QSOX1: variants seen among roughly 807,000 people sequenced by gnomAD.
QSOX1 encodes the protein quiescin sulfhydryl oxidase 1, also known as sulfhydryl oxidase 1.
In QSOX1, 40 loss-of-function variants were observed where a neutral mutation model predicts 76.1. The observed-to-expected ratio is 0.53, with a 90% CI of 0.41 to 0.68. The LOEUF (loss-of-function observed/expected upper bound fraction) is 0.68, where lower values mean the gene tolerates loss of function less well. QSOX1 is among the 30% of genes least tolerant of loss of function. The pLI is 0.00. For missense variants in QSOX1, 931 were observed against 974.3 expected (o/e 0.96, Z 0.59); for synonymous variants, 392 against 413.1 (o/e 0.95, Z 0.62).
chr1:180,161,032 T>C (rs926667521), intron 1 of QSOX1, among the ~76,000 whole-genome samples: 1 of 152,152 alleles, frequency 6.6e-6, no homozygotes, highest in Admixed American at 6.6e-5. Context: ...TTTAGGAACA[T>C]ATTTTTTCTC....
At chr1:180,163,995 A>G (rs925063521) in intron 1 of QSOX1, among the ~76,000 whole-genome samples, 1 of 152,078 alleles carries the variant, frequency 6.6e-6, no homozygotes, top group Non-Finnish European at 1.5e-5. Flanking sequence ...AAACCAGATC[A>G]CGGGTTCATG....
rs1663666752 is a variant in QSOX1 at position 180,203,091 on chromosome 1, AT to A, written c.*6055del. The A allele has an allele frequency of 6.6e-6, 1 of 152,154 alleles. No individual in the cohort carries two copies. Among genetic ancestry groups the A allele is most frequent in the African/African-American group, 2.4e-5 (1 of 41,424 alleles). 9.4% of individuals were successfully genotyped at this position (152,154 alleles called of 1,614,324 possible). ...GTCTCAAAAAAATAAAAAAATAAAA[AT>A]AAAAAAATAAAGTAAAGCTACATAT... On this transcript the variant is annotated 3_prime_UTR_variant, in exon 12 of 12. Transcript: ENST00000367602.
At chr1:180,194,997 G>GGT (rs1553275526) in intron 11 of QSOX1, among the ~76,000 whole-genome samples, 5 of 137,810 alleles carry the variant, frequency 3.6e-5, no homozygotes, top group Non-Finnish European at 3.1e-5. Flanking sequence ...ACAGCCTCCC[G>GGT]GGGGGGGGAG....
chr1:180,188,285 C>G (rs548553836), intron 8 of QSOX1, among the ~76,000 whole-genome samples: 2 of 152,166 alleles, frequency 1.3e-5, no homozygotes, highest in Non-Finnish European at 2.9e-5. Context: ...AGGAGGCCCT[C>G]TGCATGTCCT....
intron 11 of QSOX1, among the ~76,000 whole-genome samples, chr1:180,195,000 G>A (rs927670760): frequency 6.6e-6 from 1 of 151,318 alleles, no homozygotes; most frequent in Admixed American, 6.6e-5. Context: ...GCCTCCCGGG[G>A]GGGGGAGACC....
At chr1:180,185,719 G>T (rs149985978) in intron 7 of QSOX1, among the ~76,000 whole-genome samples, 27 of 152,332 alleles carry the variant, frequency 1.8e-4, no homozygotes, top group African/African-American at 6.3e-4. Flanking sequence ...TGCAGGAGGG[G>T]TGGCTGTGGG....
chr1:180,157,830 T>C (rs1055997732), intron 1 of QSOX1, among the ~76,000 whole-genome samples: 1 of 152,184 alleles, frequency 6.6e-6, no homozygotes, highest in Non-Finnish European at 1.5e-5. Flanking sequence ...ATTGTTTGCA[T>C]TGCAGTTGGG....
chr1:180,182,028 A>G (rs1255905109), intron 5 of QSOX1, 146 bp from the exon 6 acceptor site: 2 of 726,054 alleles, frequency 2.8e-6, no homozygotes, highest in Non-Finnish European at 4.5e-6. Flanking sequence ...TCTCTTGCGC[A>G]TCAGTGTGGT....
chr1:180,172,849 C>T (rs1219941425), intron 2 of QSOX1, among the ~76,000 whole-genome samples: 1 of 152,102 alleles, frequency 6.6e-6, no homozygotes, highest in Non-Finnish European at 1.5e-5. Flanking sequence ...AGAAGTAATG[C>T]AAGCCTCTTT....
At chr1:180,185,504 G>A (rs570768839) in intron 7 of QSOX1, among the ~76,000 whole-genome samples, 4 of 152,194 alleles carry the variant, frequency 2.6e-5, no homozygotes, top group African/African-American at 9.6e-5. Context: ...TGTGAGGTCC[G>A]GCAGCTGTGA....
At chr1:180,175,272 C>T in intron 2 of QSOX1, 49 bp from the exon 3 acceptor site, 1 of 1,591,838 alleles carries the variant, frequency 6.3e-7, no homozygotes. Context: ...CGTGGCTGCA[C>T]TCTTGGCCAC....
At chr1:180,188,330 T>C (rs1179238038) in intron 8 of QSOX1, among the ~76,000 whole-genome samples, 2 of 152,242 alleles carry the variant, frequency 1.3e-5, no homozygotes, top group Non-Finnish European at 2.9e-5. Context: ...TCCCAGCCTG[T>C]GCTCCCTCCT....
chr1:180,156,298 G>A (rs1321396869), intron 1 of QSOX1, among the ~76,000 whole-genome samples: 1 of 152,192 alleles, frequency 6.6e-6, no homozygotes, highest in Non-Finnish European at 1.5e-5. Context: ...TTCCTGACTT[G>A]CTGCCTCTGA....
chr1:180,166,188 T>A (rs1476694099), intron 1 of QSOX1, among the ~76,000 whole-genome samples: 1 of 152,196 alleles, frequency 6.6e-6, no homozygotes, highest in Non-Finnish European at 1.5e-5. Flanking sequence ...GGCAAACTCC[T>A]TCAACATCTC....
At chr1:180,175,150 C>G (rs534086258) in intron 2 of QSOX1, among the ~76,000 whole-genome samples, 171 bp from the exon 3 acceptor site, 2 of 107,346 alleles carry the variant, frequency 1.9e-5, no homozygotes, top group Admixed American at 2.0e-4. Flanking sequence ...GAGCGAGACT[C>G]TGTCTCAAAA....
At chr1:180,193,058 A>G (rs1479661988) in intron 10 of QSOX1, among the ~76,000 whole-genome samples, 1 of 152,060 alleles carries the variant, frequency 6.6e-6, no homozygotes, top group African/African-American at 2.4e-5. Context: ...AGTGGAGGTA[A>G]TGGCCTTGTT....
chr1:180,186,320 C>T (rs1471035440), intron 8 of QSOX1, 138 bp downstream of exon 8: 3 of 1,202,976 alleles, frequency 2.5e-6, no homozygotes, highest in Non-Finnish European at 3.4e-6. Flanking sequence ...ACAGCTCTCC[C>T]TGTCCACCAT....
chr1:180,184,189 C>T (rs867656250), intron 7 of QSOX1, 139 bp downstream of exon 7: 2 of 1,185,446 alleles, frequency 1.7e-6, no homozygotes, highest in Admixed American at 2.3e-5. Context: ...GGCTGTCCCC[C>T]ACCCTGGGGT....
rs1212769291 is a variant in QSOX1, at chr1:180,200,372, A to C, written c.*3335A>C. On this transcript the variant is annotated 3_prime_UTR_variant, in exon 12 of 12. Transcript: ENST00000367602. ...GCTTGGAGGGGGGTGCCGTTCCCAC[A>C]GGATATTCTGTGAAGGGTGTCCCTG... 1 of 152,168 alleles carries C rather than the reference A, an allele frequency of 6.6e-6. No homozygotes were observed. The highest frequency in any genetic ancestry group is 1.5e-5 in the Non-Finnish European group (1 of 68,072). 9.4% of individuals were successfully genotyped at this position (152,168 alleles called of 1,614,324 possible).
Sources: gnomAD v4.1 joint callset for allele counts (sites outside exome capture counted in the v4.1 genomes callset) on GRCh38, gnomAD v4.1.1 for gene constraint, MANE v1.5 for transcripts, NCBI Gene and HGNC (gene_info 2026-07-23, HGNC 2026-07-21) for gene names.